Variants in LRP1B observed in about 807,000 individuals in gnomAD.
The protein encoded by LRP1B is low-density lipoprotein receptor-related protein 1B.
A neutral mutation model predicts 556.6 loss-of-function variants in LRP1B; 217 were observed. The observed-to-expected ratio is 0.39, with a 90% confidence interval of 0.35 to 0.44. The LOEUF (loss-of-function observed/expected upper bound fraction) is 0.44, where lower values mean the gene tolerates loss of function less well. LRP1B is among the 20% of genes least tolerant of loss of function. The pLI is 1.00. For missense variants in LRP1B, 5,053 were observed against 5,620.8 expected (o/e 0.90, Z 3.23); for synonymous variants, 2,047 against 1,865.8 (o/e 1.10, Z -2.50).
At chr2:140,367,014 T>A (rs115502607) in intron 71 of LRP1B, among the ~76,000 whole-genome samples, 5 of 151,648 alleles carry the variant, frequency 3.3e-5, no homozygotes, top group African/African-American at 1.2e-4. Flanking sequence ...ATGAATGGAA[T>A]AGGCTTAGAC....
intron 14 of LRP1B, among the ~76,000 whole-genome samples, chr2:141,005,804 C>T (rs1486404412): frequency 6.6e-6 from 1 of 151,976 alleles, no homozygotes; most frequent in Non-Finnish European, 1.5e-5. Flanking sequence ...AGACCACTGG[C>T]TCTCAGAATG....
intron 82 of LRP1B, among the ~76,000 whole-genome samples, chr2:140,321,292 TA>T (rs1680107791): frequency 6.6e-6 from 1 of 152,024 alleles, no homozygotes; most frequent in Non-Finnish European, 1.5e-5. Context: ...TTTCAATTTT[TA>T]TTGATTATTC....
chr2:141,037,386 G>A lies in LRP1B; in HGVS notation c.1789+11600C>T, dbSNP rs80258068. On this transcript the variant is annotated intron_variant, in intron 11 of 90. Transcript: ENST00000389484. ...ACCTCTAAAATAGGAAGGAGAGGAT[G>A]GAGGGATACTTTTCACCTCAACTCT... Among the ~76,000 whole-genome samples, 450 of 152,204 alleles carry A rather than the reference G, an allele frequency of 3.0e-3. 4 individuals carry two copies. Among genetic ancestry groups the A allele is most frequent in the African/African-American group, 0.011 (438 of 41,554 alleles).
At position 142,117,779 on chromosome 2, in the gene LRP1B, A is replaced by G. The variant is rs74858828; in HGVS notation, c.82+12869T>C. ...TGGGCCCACAATCACTCAAGGCCAG[A>G]GTCTGCTCAAGTTGAATATCAGCTG... is the stretch of plus-strand genomic sequence containing the variant. On this transcript the variant is annotated intron_variant, in intron 1 of 90. Coordinates refer to ENST00000389484, the MANE Select transcript of LRP1B (RefSeq NM_018557.3). 7.9e-3 allele frequency among the ~76,000 whole-genome samples: 1,202 copies of G among 152,282 alleles called. 21 individuals carry two copies. Among genetic ancestry groups the G allele is most frequent in the African/African-American group, 0.027 (1,122 of 41,554 alleles).
chr2:140,249,902 G>T (rs1385199179), intron 86 of LRP1B, among the ~76,000 whole-genome samples: 1 of 151,832 alleles, frequency 6.6e-6, no homozygotes, highest in Admixed American at 6.6e-5. Flanking sequence ...GAGCATTTAA[G>T]AAATAAAATT....
At chr2:142,046,125 C>T (rs1165076229) in intron 1 of LRP1B, among the ~76,000 whole-genome samples, 4 of 151,894 alleles carry the variant, frequency 2.6e-5, no homozygotes, top group Non-Finnish European at 4.4e-5. Flanking sequence ...CCAGTTTCTC[C>T]TGTGTCTCCT....
intron 2 of LRP1B, among the ~76,000 whole-genome samples, chr2:141,666,017 C>G (rs1413279901): frequency 6.6e-6 from 1 of 152,104 alleles, no homozygotes; most frequent in Non-Finnish European, 1.5e-5. Flanking sequence ...CTAATGCATG[C>G]TGGGCTTAAT....
chr2:141,405,980 C>A lies in LRP1B; in HGVS notation c.343+74416G>T, dbSNP rs141994445. On this transcript the variant is annotated intron_variant, in intron 3 of 90. Transcript: ENST00000389484. ...GTATGTATTTTATTGTCAAAAATGA[C>A]CTCTTAGAAGTTATGCCAAGTATGA... Among the ~76,000 whole-genome samples the A allele has an allele frequency of 3.6e-3, 543 of 151,996 alleles. 2 individuals are homozygous for A. Among genetic ancestry groups the A allele is most frequent in the African/African-American group, 0.011 (475 of 41,488 alleles).
intron 2 of LRP1B, among the ~76,000 whole-genome samples, chr2:141,665,872 C>G (rs2105403529): frequency 6.6e-6 from 1 of 152,158 alleles, no homozygotes; most frequent in Middle Eastern, 3.4e-3. Flanking sequence ...ATGTGACTAG[C>G]CAGCATGTTC....
intron 66 of LRP1B, among the ~76,000 whole-genome samples, chr2:140,409,624 C>G (rs1684887540): frequency 6.6e-6 from 1 of 151,850 alleles, no homozygotes; most frequent in South Asian, 2.1e-4. Context: ...TTTAAATAAA[C>G]ATTAATAACA....
intron 35 of LRP1B, among the ~76,000 whole-genome samples, chr2:140,764,826 T>A (rs1278603796): frequency 1.3e-5 from 2 of 152,174 alleles, no homozygotes; most frequent in Non-Finnish European, 2.9e-5. Context: ...TAGGGTTCAC[T>A]CTTGGTGTTA....
rs1683994197 is a variant in LRP1B at position 141,244,405 on chromosome 2, TTG to T, written c.592+2819_592+2820del. 2.0e-5 allele frequency among the ~76,000 whole-genome samples: 3 copies of T among 152,134 alleles called. No individual in the cohort carries two copies. The South Asian group carries it at 6.2e-4, about 32-fold the overall frequency. ...CTGCTGAGAGCCCTGGAACTCTGGC[TTG>T]TCGTGGAGGGAAAGTTAGGTTCTGG... On this transcript the variant is annotated intron_variant, in intron 5 of 90. Transcript: ENST00000389484.
At chr2:140,249,629 T>G (rs1681317995) in intron 86 of LRP1B, among the ~76,000 whole-genome samples, 1 of 151,824 alleles carries the variant, frequency 6.6e-6, no homozygotes, top group Non-Finnish European at 1.5e-5. Flanking sequence ...CTTATACTCC[T>G]TATAAAATAA....
chr2:141,103,777 C>A (rs1205388258), intron 7 of LRP1B, among the ~76,000 whole-genome samples: 1 of 150,414 alleles, frequency 6.6e-6, no homozygotes, highest in Non-Finnish European at 1.5e-5. Flanking sequence ...CCTATATAAG[C>A]AATATATAAT....
chr2:142,026,065 G>A (rs546055702), intron 1 of LRP1B, among the ~76,000 whole-genome samples: 19 of 152,160 alleles, frequency 1.2e-4, no homozygotes, highest in African/African-American at 4.6e-4. Context: ...TTTGGCCTAT[G>A]AAATGCTTTA....
At chr2:140,558,792 T>C (rs1358360209) in intron 43 of LRP1B, among the ~76,000 whole-genome samples, 1 of 151,586 alleles carries the variant, frequency 6.6e-6, no homozygotes, top group Non-Finnish European at 1.5e-5. Flanking sequence ...AAAAAAAAGC[T>C]GGGTGTGGTG....
intron 20 of LRP1B, among the ~76,000 whole-genome samples, chr2:140,941,624 A>C (rs566013996): frequency 6.6e-6 from 1 of 152,316 alleles, no homozygotes; most frequent in African/African-American, 2.4e-5. Flanking sequence ...ATACTGCTTC[A>C]ACATGCAATA....
intron 3 of LRP1B, among the ~76,000 whole-genome samples, chr2:141,263,758 C>G (rs996152970): frequency 2.6e-5 from 4 of 152,074 alleles, no homozygotes; most frequent in Non-Finnish European, 5.9e-5. Flanking sequence ...TTCAAAATTA[C>G]TAACCACTAA....
intron 3 of LRP1B, among the ~76,000 whole-genome samples, chr2:141,388,524 AT>A (rs771690074): frequency 1.3e-5 from 2 of 151,838 alleles, no homozygotes; most frequent in Non-Finnish European, 1.5e-5. Flanking sequence ...AATAAAGGAC[AT>A]TTTTTTTAAA....
Sources: gnomAD v4.1 joint callset for allele counts (sites outside exome capture counted in the v4.1 genomes callset) on GRCh38, gnomAD v4.1.1 for gene constraint, MANE v1.5 for transcripts, NCBI Gene and HGNC (gene_info 2026-07-23, HGNC 2026-07-21) for gene names.